Variants in KRAS observed in about 807,000 individuals in gnomAD.
The protein encoded by KRAS is KRas proto-oncogene, GTPase.
KRAS carries 1 observed loss-of-function variant against 21.0 expected under a neutral mutation model. The observed-to-expected ratio is 0.05, with a 90% CI of 0.02 to 0.23. The LOEUF (loss-of-function observed/expected upper bound fraction) is 0.23, where lower values mean the gene tolerates loss of function less well. Ranked by LOEUF, KRAS falls within the 10% of genes least tolerant of loss-of-function variation. The pLI is 1.00. For missense variants in KRAS, 107 were observed against 221.8 expected (o/e 0.48, Z 3.29); for synonymous variants, 67 against 72.5 (o/e 0.92, Z 0.39).
At chr12:25,231,926 A>T (rs912656716) in intron 2 of KRAS, among the ~76,000 whole-genome samples, 1 of 152,220 alleles carries the variant, frequency 6.6e-6, no homozygotes, top group Non-Finnish European at 1.5e-5. Context: ...ATATATTAAT[A>T]AAGATTCTGT....
At chr12:25,232,311 A>G (rs1354600518) in intron 2 of KRAS, among the ~76,000 whole-genome samples, 2 of 152,248 alleles carry the variant, frequency 1.3e-5, no homozygotes, top group Non-Finnish European at 2.9e-5. Flanking sequence ...TTAAAAAAAC[A>G]AAAACAAAAA....
intron 4 of KRAS, among the ~76,000 whole-genome samples, chr12:25,214,870 A>G (rs1395474936): frequency 6.6e-6 from 1 of 152,160 alleles, no homozygotes; most frequent in African/African-American, 2.4e-5. Flanking sequence ...AACCAGGGGG[A>G]AAAGAGGGCG....
chr12:25,239,263 G>T (rs113937074), intron 2 of KRAS, among the ~76,000 whole-genome samples: 1,722 of 151,946 alleles, frequency 0.011, 14 homozygotes, highest in Non-Finnish European at 0.016. Flanking sequence ...ATATAAGATA[G>T]CTTCCTGTTA....
chr12:25,239,887 A>C (rs1460658902), intron 2 of KRAS, among the ~76,000 whole-genome samples: 1 of 152,060 alleles, frequency 6.6e-6, no homozygotes, highest in African/African-American at 2.4e-5. Flanking sequence ...CAGGAGGTGG[A>C]GGCTGCAGTG....
intron 2 of KRAS, among the ~76,000 whole-genome samples, chr12:25,238,018 G>C (rs950703202): frequency 1.3e-5 from 2 of 152,140 alleles, no homozygotes; most frequent in Non-Finnish European, 2.9e-5. Context: ...GTTTTGATTA[G>C]GGAGTGAAGA....
Position 25,207,137 on chromosome 12 carries a change from A to T in KRAS, c.*2658T>A, listed in dbSNP as rs955672504. The T allele has an allele frequency of 1.4e-5, 3 of 212,320 alleles. No homozygotes were observed. Among genetic ancestry groups the T allele is most frequent in the African/African-American group, 2.3e-5 (1 of 44,230 alleles). 13.2% of individuals were successfully genotyped at this position (212,320 alleles called of 1,614,324 possible). On this transcript the variant is annotated 3_prime_UTR_variant, in exon 5 of 5. Coordinates refer to ENST00000311936, the MANE Select transcript of KRAS (RefSeq NM_004985.5). ...GCCTTAGTAAGATATTACAGACCACACTAGCACTACCTAAGGACCGGGATT... is the reference window on the plus strand; with the variant it reads ...GCCTTAGTAAGATATTACAGACCACTCTAGCACTACCTAAGGACCGGGATT...
chr12:25,209,618 A>T lies in KRAS; in HGVS notation c.*177T>A, dbSNP rs712. On this transcript the variant is annotated 3_prime_UTR_variant, in exon 5 of 5. Coordinates refer to ENST00000311936, the MANE Select transcript of KRAS (RefSeq NM_004985.5). ...CAAAACTCTGGGAATACTGGCACTT[A>T]GAGGAAAAAAAAACTTCCACTGTCA... 2.2e-6 allele frequency: 3 copies of T among 1,343,068 alleles called. No homozygotes were observed. Among genetic ancestry groups the T allele is most frequent in the South Asian group, 2.0e-5 (1 of 49,882 alleles). The allele number at this position is 1,343,068 out of a possible 1,614,324, so 83.2% of individuals were successfully genotyped here.
At position 25,227,281 on chromosome 12, in the gene KRAS, TAC is replaced by T; in HGVS notation, c.241_242del (p.Val81IlefsTer5). On this transcript the variant is annotated frameshift_variant, in exon 3 of 5. Coordinates refer to ENST00000311936, the MANE Select transcript of KRAS (RefSeq NM_004985.5). LOFTEE classifies it high-confidence loss of function. ...ATGATTTAGTATTATTTATGGCAAA[TAC>T]ACAAAGAAAGCCCTCCCCAGTCCTC... ...YMRTGEGFLCVFAINNTKSFE... is the reference protein window; with the variant it reads ...YMRTGEGFLCXFAINNTKSFE... The T allele has an allele frequency of 6.2e-7, 1 of 1,613,796 alleles. No homozygotes were observed. The highest frequency in any genetic ancestry group is 8.5e-7 in the Non-Finnish European group (1 of 1,179,734).
chr12:25,225,331 T>G, intron 4 of KRAS: 1 of 143,426 alleles, frequency 7.0e-6, no homozygotes, highest in Non-Finnish European at 1.4e-5. Context: ...TATATATATA[T>G]ATATGTAACC....
Position 25,207,479 on chromosome 12 carries a change from A to G in KRAS, c.*2316T>C. The G allele has an allele frequency of 5.1e-6, 1 of 195,404 alleles. No homozygotes were observed. Among genetic ancestry groups the G allele is most frequent in the Non-Finnish European group, 1.1e-5 (1 of 94,432 alleles). The allele number at this position is 195,404 out of a possible 1,614,324, so 12.1% of individuals were successfully genotyped here. On this transcript the variant is annotated 3_prime_UTR_variant, in exon 5 of 5. Transcript: ENST00000311936. Reference sequence around the variant, plus strand: ...CAGTGAGCTGAGATGGCGCCACTGCATTCCAGCCTGGGTGACAAGAGCGAG... The same window carrying G: ...CAGTGAGCTGAGATGGCGCCACTGCGTTCCAGCCTGGGTGACAAGAGCGAG...
chr12:25,229,013 C>T (rs776043794), intron 2 of KRAS, among the ~76,000 whole-genome samples: 2 of 152,038 alleles, frequency 1.3e-5, no homozygotes, highest in South Asian at 2.1e-4. Context: ...GAGCCAAGAT[C>T]GCTCCACTGC....
intron 1 of KRAS, among the ~76,000 whole-genome samples, chr12:25,250,083 A>G (rs1026449841): frequency 2.0e-5 from 3 of 151,870 alleles, no homozygotes; most frequent in African/African-American, 4.8e-5. Flanking sequence ...GGGAGCATTC[A>G]GGAACTCGGA....
intron 4 of KRAS, among the ~76,000 whole-genome samples, chr12:25,212,582 A>T (rs1328326372): frequency 2.0e-5 from 3 of 151,524 alleles, no homozygotes; most frequent in African/African-American, 7.3e-5. Context: ...AATAAGTAAT[A>T]AAAAAAAATT....
Position 25,206,480 on chromosome 12 carries a change from T to C in KRAS, c.*3315A>G. On this transcript the variant is annotated 3_prime_UTR_variant, in exon 5 of 5. Coordinates refer to ENST00000311936, the MANE Select transcript of KRAS (RefSeq NM_004985.5). The stretch of plus-strand genomic sequence containing the variant: ...TAGAATTCTCCCCCTTTAAAATCTC[T>C]ACAAAAACAAATCTTTTGTTAAACC... The C allele has an allele frequency of 4.9e-6, 1 of 204,226 alleles. No individual in the cohort carries two copies. Among genetic ancestry groups the C allele is most frequent in the Non-Finnish European group, 1.0e-5 (1 of 99,744 alleles). 12.7% of individuals were successfully genotyped at this position (204,226 alleles called of 1,614,324 possible). A position where few individuals can be genotyped will look rare whatever the true frequency, so the allele number is the denominator to read the frequency against.
intron 4 of KRAS, chr12:25,215,398 T>C (rs1323398960): frequency 6.2e-7 from 1 of 1,611,638 alleles, no homozygotes; most frequent in Non-Finnish European, 8.5e-7. Flanking sequence ...AAAAGACATC[T>C]GCTTTCTGCC....
intron 2 of KRAS, chr12:25,234,577 A>G (rs1406937249): frequency 5.3e-6 from 1 of 187,066 alleles, no homozygotes; most frequent in Non-Finnish European, 1.1e-5. Context: ...CTGCATATTT[A>G]TCGCCAACGT....
rs1951127621 is a variant in KRAS, at chr12:25,205,587, C to A, written c.*4208G>T. On this transcript the variant is annotated 3_prime_UTR_variant, in exon 5 of 5. Coordinates refer to ENST00000311936, the MANE Select transcript of KRAS (RefSeq NM_004985.5). ...AAATAGTACTAGTAAGAAATTGGCACTCAAAGGAAAAATGCAAAAGTATTT... is the reference window on the plus strand; with the variant it reads ...AAATAGTACTAGTAAGAAATTGGCAATCAAAGGAAAAATGCAAAAGTATTT... 1 of 219,492 alleles carries A rather than the reference C, an allele frequency of 4.6e-6. No homozygotes were observed. The highest frequency in any genetic ancestry group is 9.2e-6 in the Non-Finnish European group (1 of 109,174). The allele number at this position is 219,492 out of a possible 1,614,324, so 13.6% of individuals were successfully genotyped here.
intron 4 of KRAS, among the ~76,000 whole-genome samples, chr12:25,223,990 G>T (rs1233303137): frequency 6.6e-6 from 1 of 152,000 alleles, no homozygotes; most frequent in South Asian, 2.1e-4. Flanking sequence ...ATATGTGATA[G>T]TGGTCCCATA....
chr12:25,250,639 A>C (rs976271453), intron 1 of KRAS, 112 bp downstream of exon 1: 94 of 98,324 alleles, frequency 9.6e-4, no homozygotes, highest in East Asian at 2.9e-3. Context: ...CGCGCCCCCC[A>C]CCCGCCCCTC....
Sources: allele counts gnomAD v4.1 joint callset (sites outside exome capture counted in the v4.1 genomes callset), GRCh38; gene constraint gnomAD v4.1.1; transcripts MANE v1.5; gene names NCBI Gene and HGNC (gene_info 2026-07-23, HGNC 2026-07-21).